Variants in PICALM observed in about 807,000 individuals in gnomAD.
PICALM encodes the protein phosphatidylinositol binding clathrin assembly protein.
In PICALM, 40 loss-of-function variants were observed where a neutral mutation model predicts 80.5. The observed-to-expected ratio is 0.50, with a 90% CI of 0.39 to 0.65. The LOEUF (loss-of-function observed/expected upper bound fraction) is 0.65, where lower values mean the gene tolerates loss of function less well. Among genes scored for constraint, PICALM ranks in the 30% least tolerant of loss-of-function variants. The pLI is 0.00. For missense variants in PICALM, 676 were observed against 778.9 expected (o/e 0.87, Z 1.57); for synonymous variants, 288 against 260.3 (o/e 1.11, Z -1.02).
At position 86,008,483 on chromosome 11, in the gene PICALM, G is replaced by A. The variant is rs556476166; in HGVS notation, c.766-900C>T. Among the ~76,000 whole-genome samples, 4 of 152,206 alleles carry A rather than the reference G, an allele frequency of 2.6e-5. No homozygotes were observed. The South Asian group carries it at 8.3e-4, about 32-fold the overall frequency. ...AAAAATACAAAAATTAGCCGGGCAT[G>A]GTGGCAGGCACCTGTAATCCCAGCT... On this transcript the variant is annotated intron_variant, in intron 7 of 19. Transcript: ENST00000393346.
intron 19 of PICALM, among the ~76,000 whole-genome samples, chr11:85,964,527 A>C (rs1592294904): frequency 6.6e-6 from 1 of 152,218 alleles, no homozygotes; most frequent in Admixed American, 6.5e-5. Flanking sequence ...AAATGAACAC[A>C]AGCACTCAGC....
At chr11:85,995,085 G>A (rs1164201723) in intron 12 of PICALM, among the ~76,000 whole-genome samples, 9 of 151,928 alleles carry the variant, frequency 5.9e-5, no homozygotes, top group East Asian at 5.8e-4. Flanking sequence ...AAAATATATC[G>A]ATCTGATTGT....
intron 8 of PICALM, among the ~76,000 whole-genome samples, chr11:86,004,855 T>C (rs1456245089): frequency 4.6e-5 from 7 of 152,222 alleles, no homozygotes. Flanking sequence ...AACCAAATAC[T>C]ACATTGGAAG....
chr11:86,060,076 A>C (rs996717913), intron 1 of PICALM, among the ~76,000 whole-genome samples: 1 of 152,186 alleles, frequency 6.6e-6, no homozygotes, highest in Non-Finnish European at 1.5e-5. Context: ...CTTGCTTGAA[A>C]TCTTCCAAAA....
At chr11:86,035,168 G>A (rs1216504155) in intron 1 of PICALM, among the ~76,000 whole-genome samples, 1 of 151,048 alleles carries the variant, frequency 6.6e-6, no homozygotes. Context: ...GAACTAAGCA[G>A]TTACCAAATG....
At chr11:85,999,356 G>A (rs190461446) in intron 11 of PICALM, among the ~76,000 whole-genome samples, 2 of 152,270 alleles carry the variant, frequency 1.3e-5, no homozygotes, top group Non-Finnish European at 2.9e-5. Context: ...TTAAAAAGGT[G>A]AAAATTTTTA....
At position 86,012,313 on chromosome 11, in the gene PICALM, GCAAA is replaced by G; in HGVS notation, c.622_625del (p.Phe208GlnfsTer17). The stretch of plus-strand genomic sequence containing the variant: ...ATTAATAATTCCTTCATTGTATGCT[GCAAA>G]CAGTCTAATGGCATCTTTGAACAGG... On this transcript the variant is annotated frameshift_variant, in exon 6 of 20. Transcript: ENST00000393346. LOFTEE classifies it high-confidence loss of function. 6.2e-7 allele frequency: 1 copy of G among 1,605,246 alleles called. No individual in the cohort carries two copies. Among genetic ancestry groups the G allele is most frequent in the Non-Finnish European group, 8.5e-7 (1 of 1,173,082 alleles).
At chr11:86,014,183 C>T (rs1236104176) in intron 5 of PICALM, among the ~76,000 whole-genome samples, 1 of 152,102 alleles carries the variant, frequency 6.6e-6, no homozygotes, top group Non-Finnish European at 1.5e-5. Context: ...TAAAAACTAG[C>T]AATTAAACAA....
At position 86,037,741 on chromosome 11, in the gene PICALM, T is replaced by C. The variant is rs147293910; in HGVS notation, c.131-6130A>G. On this transcript the variant is annotated intron_variant, in intron 1 of 19. Transcript: ENST00000393346. ...ATGTGTAATATTTTTTTGTATATATTGTATTTGCCCAAATACAAGGTGATG... is the reference window on the plus strand; with the variant it reads ...ATGTGTAATATTTTTTTGTATATATCGTATTTGCCCAAATACAAGGTGATG... Among the ~76,000 whole-genome samples, 350 of 152,244 alleles carry C rather than the reference T, an allele frequency of 2.3e-3. 2 individuals are homozygous for C. The highest frequency in any genetic ancestry group is 8.0e-3 in the African/African-American group (334 of 41,526).
At chr11:86,016,515 A>G (rs2095483569) in intron 4 of PICALM, among the ~76,000 whole-genome samples, 1 of 152,188 alleles carries the variant, frequency 6.6e-6, no homozygotes, top group South Asian at 2.1e-4. Flanking sequence ...GATCATTAAT[A>G]TAATCACTCC....
At chr11:85,965,880 G>A (rs959615491) in intron 19 of PICALM, among the ~76,000 whole-genome samples, 8 of 135,322 alleles carry the variant, frequency 5.9e-5, no homozygotes, top group South Asian at 2.4e-4. Flanking sequence ...ACAGTGGTGC[G>A]ATCTCAGCTC....
At chr11:85,985,736 T>C (rs1006850708) in intron 13 of PICALM, among the ~76,000 whole-genome samples, 3 of 152,234 alleles carry the variant, frequency 2.0e-5, no homozygotes, top group Admixed American at 1.3e-4. Context: ...TATGTGTCCA[T>C]GCTATCATCA....
intron 1 of PICALM, among the ~76,000 whole-genome samples, chr11:86,045,108 T>C (rs918136975): frequency 6.6e-6 from 1 of 152,136 alleles, no homozygotes; most frequent in East Asian, 1.9e-4. Flanking sequence ...AATAATACTC[T>C]CTAAGTGGAA....
At chr11:85,972,842 CAT>C in intron 19 of PICALM, among the ~76,000 whole-genome samples, 1 of 152,188 alleles carries the variant, frequency 6.6e-6, no homozygotes, top group Admixed American at 6.5e-5. Context: ...ATGAAAAAGA[CAT>C]TAACTGTGTA....
intron 1 of PICALM, among the ~76,000 whole-genome samples, chr11:86,051,180 C>A (rs146406522): frequency 4.5e-4 from 68 of 152,228 alleles, no homozygotes; most frequent in African/African-American, 1.6e-3. Context: ...TTCTGGTATT[C>A]GTTTCCAAAG....
At chr11:85,989,779 T>C (rs562246399) in intron 13 of PICALM, among the ~76,000 whole-genome samples, 3 of 152,122 alleles carry the variant, frequency 2.0e-5, no homozygotes, top group African/African-American at 7.2e-5. Flanking sequence ...TTGGACAATA[T>C]AAAACTGTGA....
intron 1 of PICALM, among the ~76,000 whole-genome samples, chr11:86,035,440 A>G (rs1165568346): frequency 1.3e-5 from 2 of 152,210 alleles, no homozygotes; most frequent in African/African-American, 4.8e-5. Context: ...CTGATACCCG[A>G]ATAAGATTTT....
chr11:86,058,068 A>G (rs2096297455), intron 1 of PICALM, among the ~76,000 whole-genome samples: 1 of 152,226 alleles, frequency 6.6e-6, no homozygotes, highest in South Asian at 2.1e-4. Context: ...GTATATTAAA[A>G]AGACTTGCCA....
intron 1 of PICALM, among the ~76,000 whole-genome samples, chr11:86,038,633 T>C (rs1254676669): frequency 6.6e-6 from 1 of 151,412 alleles, no homozygotes; most frequent in African/African-American, 2.4e-5. Flanking sequence ...ATACAAAAAT[T>C]AGCCGAGCTT....
Sources: gnomAD v4.1 joint callset for allele counts (sites outside exome capture counted in the v4.1 genomes callset) on GRCh38, gnomAD v4.1.1 for gene constraint, MANE v1.5 for transcripts, NCBI Gene and HGNC (gene_info 2026-07-23, HGNC 2026-07-21) for gene names.